The following C2orf78 variants were observed in gnomAD, a reference collection of about 807,000 sequenced individuals.
The protein encoded by C2orf78 is chromosome 2 open reading frame 78.
In C2orf78, 12 loss-of-function variants were observed where a neutral mutation model predicts 21.4. That is an observed-to-expected ratio of 0.56 (90% CI 0.36 to 0.91). The LOEUF (loss-of-function observed/expected upper bound fraction) is 0.91. Among genes scored for constraint, C2orf78 ranks in the 40% least tolerant of loss-of-function variants. The pLI, the probability that C2orf78 is intolerant of heterozygous loss-of-function variation, is 0.01. For missense variants in C2orf78, 1,042 were observed against 1,092.4 expected, an observed-to-expected ratio of 0.95 and a Z score of 0.65; for synonymous variants, 396 against 413.9, an observed-to-expected ratio of 0.96 and a Z score of 0.52.
chr2:73,814,114 A>T, exon 2 of C2orf78: 2 of 1,612,896 alleles, frequency 1.2e-6, no homozygotes, highest in Non-Finnish European at 1.7e-6. Flanking sequence ...ATCAACCAGA[A>T]ATGGTGATGG....
At chr2:73,813,399 A>G in intron 1 of C2orf78, 78 bp from the exon 2 acceptor site, 1 of 1,385,206 alleles carries the variant, frequency 7.2e-7, no homozygotes, top group Non-Finnish European at 9.6e-7. Context: ...CAACAACCTT[A>G]AGATAATGCT....
At chr2:73,814,592 T>C (rs1558542645) in intron 2 of C2orf78, among the ~76,000 whole-genome samples, 1 of 152,216 alleles carries the variant, frequency 6.6e-6, no homozygotes, top group Non-Finnish European at 1.5e-5. Flanking sequence ...GGTGACATTT[T>C]GATTTTCCTT....
Position 73,813,571 on chromosome 2 carries a change from C to CTCCAACTT in C2orf78, c.193_200dup (p.Ser68ProfsTer72). 6.2e-7 allele frequency: 1 copy of CTCCAACTT among 1,614,050 alleles called. No individual in the cohort carries two copies. Among genetic ancestry groups the CTCCAACTT allele is most frequent in the Non-Finnish European group, 8.5e-7 (1 of 1,179,906 alleles). On this transcript the variant is annotated frameshift_variant, in exon 2 of 3. Transcript: ENST00000409561. LOFTEE classifies it high-confidence loss of function. ...ATGCAGCTTTCTTAACAGGAAGCAT[C>CTCCAACTT]TCCAACTTCTCCAGAGCCTCTGCTC...
At chr2:73,814,495 C>A (rs1023940632) in intron 2 of C2orf78, among the ~76,000 whole-genome samples, 5 of 152,226 alleles carry the variant, frequency 3.3e-5, no homozygotes, top group African/African-American at 9.6e-5. Context: ...TGACTGATCA[C>A]TTCCCCCACA....
chr2:73,785,853 C>A (rs1230069101), intron 1 of C2orf78, among the ~76,000 whole-genome samples: 2 of 151,880 alleles, frequency 1.3e-5, no homozygotes, highest in African/African-American at 2.4e-5. Flanking sequence ...GTGAGACAAG[C>A]CTGACCAACA....
Position 73,811,817 on chromosome 2 carries a change from T to A in C2orf78, c.98-1660T>A, listed in dbSNP as rs146716490. ...AAGTTCTCATGATACTTTTTAAGAGTTCTTTTCTGCTTGTTATGTGGCTAC... is the reference window on the plus strand; with the variant it reads ...AAGTTCTCATGATACTTTTTAAGAGATCTTTTCTGCTTGTTATGTGGCTAC... On this transcript the variant is annotated intron_variant, in intron 1 of 2. Transcript: ENST00000409561. Among the ~76,000 whole-genome samples, 764 of 152,174 alleles carry A rather than the reference T, an allele frequency of 5.0e-3. 12 individuals carry two copies. The highest frequency in any genetic ancestry group is 0.018 in the African/African-American group (734 of 41,538).
At chr2:73,812,072 G>A (rs28716396) in intron 1 of C2orf78, among the ~76,000 whole-genome samples, 126 of 152,002 alleles carry the variant, frequency 8.3e-4, no homozygotes, top group African/African-American at 3.0e-3. Flanking sequence ...TGCTGATACA[G>A]TTTGTCTATA....
intron 1 of C2orf78, among the ~76,000 whole-genome samples, chr2:73,786,301 C>T (rs1464733164): frequency 4.0e-5 from 6 of 151,436 alleles, no homozygotes; most frequent in African/African-American, 1.5e-4. Context: ...ATTGCTTGAA[C>T]CAGGGAGGCG....
At chr2:73,816,849 A>G in exon 3 of C2orf78, 1 of 1,614,058 alleles carries the variant, frequency 6.2e-7, no homozygotes, top group Non-Finnish European at 8.5e-7. Flanking sequence ...AGAAGAGCAG[A>G]GGCCAGAGCG....
chr2:73,807,142 TGCCCTCCAGCCTGGGTGACAGAGAGA>T lies in C2orf78; in HGVS notation c.98-6333_98-6308del, dbSNP rs1429316248. Among the ~76,000 whole-genome samples the T allele has an allele frequency of 1.1e-3, 152 of 136,058 alleles. 13 individuals are homozygous for T. The highest frequency in any genetic ancestry group is 3.9e-3 in the African/African-American group (128 of 33,086). The allele number at this position is 136,058 out of a possible 152,430, so 89.3% of individuals were successfully genotyped here. A position where few individuals can be genotyped will look rare whatever the true frequency, so the allele number is the denominator to read the frequency against. On this transcript the variant is annotated intron_variant, in intron 1 of 2. Coordinates refer to ENST00000409561, the Ensembl canonical transcript of C2orf78. ...CTTGAAGCTAGCAGAGATCGGCCAC[TGCCCTCCAGCCTGGGTGACAGAGAGA>T]GACTCTGTCTCAAAAAAAAAAAAAA...
intron 1 of C2orf78, among the ~76,000 whole-genome samples, chr2:73,810,844 A>T (rs1471132440): frequency 7.3e-6 from 1 of 136,814 alleles, no homozygotes; most frequent in Non-Finnish European, 1.5e-5. Context: ...TATATATATT[A>T]CATGTATATT....
chr2:73,812,320 G>T (rs888819136), intron 1 of C2orf78, among the ~76,000 whole-genome samples: 1 of 152,056 alleles, frequency 6.6e-6, no homozygotes, highest in Admixed American at 6.6e-5. Context: ...TATTGTTTTA[G>T]TTCCATGATT....
At chr2:73,816,155 C>A (rs758035881) in exon 3 of C2orf78, 1 of 1,613,854 alleles carries the variant, frequency 6.2e-7, no homozygotes, top group South Asian at 1.1e-5. Context: ...GGAAAAAGAT[C>A]GATATGAAAA....
chr2:73,785,921 G>T (rs567912038), intron 1 of C2orf78, among the ~76,000 whole-genome samples: 1 of 151,782 alleles, frequency 6.6e-6, no homozygotes, highest in African/African-American at 2.4e-5. Flanking sequence ...TGGCACATGC[G>T]TGTAATCCCA....
intron 1 of C2orf78, among the ~76,000 whole-genome samples, chr2:73,808,296 A>G (rs1298513096): frequency 1.3e-5 from 2 of 151,150 alleles, no homozygotes; most frequent in Non-Finnish European, 2.9e-5. Flanking sequence ...TAAATTCATT[A>G]ATCAGATTCA....
intron 1 of C2orf78, among the ~76,000 whole-genome samples, chr2:73,810,626 AAT>A (rs149972218): frequency 0.042 from 5,762 of 136,742 alleles, 156 homozygotes; most frequent in Non-Finnish European, 0.06. Flanking sequence ...ATATATACAT[AAT>A]ATATATATGT....
At chr2:73,816,823 T>C in exon 3 of C2orf78, 2 of 1,614,006 alleles carry the variant, frequency 1.2e-6, no homozygotes, top group Non-Finnish European at 1.7e-6. Flanking sequence ...GAGCCAGTAA[T>C]GTCAACGCCC....
At chr2:73,815,281 G>C in exon 3 of C2orf78, 2 of 1,613,756 alleles carry the variant, frequency 1.2e-6, no homozygotes, top group Non-Finnish European at 1.7e-6. Flanking sequence ...CCAGCTCCAA[G>C]CCAGGAAAAA....
exon 3 of C2orf78, chr2:73,816,631 C>G: frequency 6.2e-7 from 1 of 1,613,678 alleles, no homozygotes; most frequent in South Asian, 1.1e-5. Context: ...ACCCAGCCTA[C>G]TGTCCCTCAA....
Sources: gnomAD v4.1 joint callset for allele counts (sites outside exome capture counted in the v4.1 genomes callset) on GRCh38, gnomAD v4.1.1 for gene constraint, MANE v1.5 for transcripts, NCBI Gene and HGNC (gene_info 2026-07-23, HGNC 2026-07-21) for gene names.